The following ELP4 variants were observed in gnomAD, a reference collection of about 807,000 sequenced individuals.
The protein encoded by ELP4 is elongator acetyltransferase complex subunit 4.
A neutral mutation model predicts 48.9 loss-of-function variants in ELP4; 51 were observed. The observed-to-expected ratio is 1.04, with a 90% CI of 0.83 to 1.32. ELP4 has a LOEUF of 1.32. Ranked by LOEUF, ELP4 falls within the 40% of genes most tolerant of loss-of-function variation. The pLI is 0.00. For synonymous variants in ELP4, 210 were observed against 189.2 expected, an observed-to-expected ratio of 1.11 and a Z score of -0.90; for missense variants, 519 against 514.6, an observed-to-expected ratio of 1.01 and a Z score of -0.08.
intron 9 of ELP4, among the ~76,000 whole-genome samples, chr11:31,753,100 A>C (rs1947762459): frequency 6.6e-6 from 1 of 152,190 alleles, no homozygotes; most frequent in Non-Finnish European, 1.5e-5. Flanking sequence ...CCATTGAATT[A>C]ATACACTACA....
At chr11:31,549,871 G>A (rs1232565675) in intron 3 of ELP4, among the ~76,000 whole-genome samples, 1 of 152,124 alleles carries the variant, frequency 6.6e-6, no homozygotes, top group Admixed American at 6.6e-5. Context: ...ATCATTCTCA[G>A]TAATCTATCG....
chr11:31,572,974 C>T (rs1369341655), intron 3 of ELP4, among the ~76,000 whole-genome samples: 1 of 152,104 alleles, frequency 6.6e-6, no homozygotes, highest in Admixed American at 6.6e-5. Context: ...CACCACTGTA[C>T]TCCAGCCTGG....
chr11:31,620,356 G>A (rs1025437358), intron 5 of ELP4, among the ~76,000 whole-genome samples: 1 of 152,066 alleles, frequency 6.6e-6, no homozygotes, highest in Non-Finnish European at 1.5e-5. Context: ...ATCAAAGCAG[G>A]TGAGTGAAAG....
chr11:31,592,102 G>C (rs1957589282), intron 3 of ELP4, among the ~76,000 whole-genome samples: 1 of 152,166 alleles, frequency 6.6e-6, no homozygotes, highest in Admixed American at 6.6e-5. Context: ...GGGGAATGTG[G>C]AGTGATTTCT....
At chr11:31,730,929 A>G (rs965577207) in intron 9 of ELP4, among the ~76,000 whole-genome samples, 2 of 152,128 alleles carry the variant, frequency 1.3e-5, no homozygotes, top group African/African-American at 4.8e-5. Context: ...GACCTTCAGT[A>G]TATCAGAGGA....
chr11:31,665,712 T>C (rs1031092383), intron 9 of ELP4, among the ~76,000 whole-genome samples: 9 of 140,550 alleles, frequency 6.4e-5, no homozygotes, highest in Non-Finnish European at 1.2e-4. Flanking sequence ...TGGAGTACAG[T>C]GGTGCAATCA....
intron 3 of ELP4, among the ~76,000 whole-genome samples, chr11:31,548,262 T>G (rs532484389): frequency 1.3e-5 from 2 of 152,270 alleles, no homozygotes; most frequent in East Asian, 1.9e-4. Flanking sequence ...AAAATCTCCT[T>G]AGCGGATAAG....
At chr11:31,542,426 G>T (rs990034563) in intron 3 of ELP4, among the ~76,000 whole-genome samples, 11 of 152,220 alleles carry the variant, frequency 7.2e-5, no homozygotes, top group African/African-American at 2.7e-4. Flanking sequence ...TACACGAGGA[G>T]ATGGCCTGAG....
chr11:31,755,486 C>G (rs1408654419), intron 9 of ELP4, among the ~76,000 whole-genome samples: 1 of 152,160 alleles, frequency 6.6e-6, no homozygotes, highest in African/African-American at 2.4e-5. Flanking sequence ...TCATGAACCC[C>G]TTGGTAAAAT....
chr11:31,743,490 G>C (rs1358174455), intron 9 of ELP4, among the ~76,000 whole-genome samples: 2 of 152,074 alleles, frequency 1.3e-5, no homozygotes, highest in African/African-American at 4.8e-5. Context: ...TGACCACATA[G>C]TTGGAAGTAA....
chr11:31,609,547 T>C (rs1462517899), intron 5 of ELP4, among the ~76,000 whole-genome samples: 2 of 152,054 alleles, frequency 1.3e-5, no homozygotes, highest in Non-Finnish European at 2.9e-5. Flanking sequence ...GAGTTTTTCA[T>C]AATTTGCAGC....
intron 3 of ELP4, among the ~76,000 whole-genome samples, chr11:31,549,465 A>G (rs541990562): frequency 2.0e-5 from 3 of 152,164 alleles, no homozygotes; most frequent in South Asian, 2.1e-4. Flanking sequence ...TAGAATGGCA[A>G]TCATTAAAAA....
At chr11:31,727,688 G>A (rs1183894953) in intron 9 of ELP4, 1 of 152,090 alleles carries the variant, frequency 6.6e-6, no homozygotes, top group Non-Finnish European at 1.5e-5. Context: ...TAGGAAATAT[G>A]CCCATTATCT....
At chr11:31,742,811 G>A (rs1947487000) in intron 9 of ELP4, among the ~76,000 whole-genome samples, 1 of 152,172 alleles carries the variant, frequency 6.6e-6, no homozygotes, top group African/African-American at 2.4e-5. Flanking sequence ...AAATTGTAAA[G>A]ACCATCAAGG....
At chr11:31,538,328 ATAAT>A (rs1332146231) in intron 2 of ELP4, among the ~76,000 whole-genome samples, 1 of 148,452 alleles carries the variant, frequency 6.7e-6, no homozygotes, top group African/African-American at 2.4e-5. Context: ...CAATATAATT[ATAAT>A]TACTCTATTA....
At position 31,787,876 on chromosome 11, in the gene ELP4, A is replaced by G. The variant is rs757458670; in HGVS notation, c.*4352A>G. 1.8e-5 allele frequency: 4 copies of G among 223,268 alleles called. No homozygotes were observed. Among genetic ancestry groups the G allele is most frequent in the Non-Finnish European group, 2.7e-5 (3 of 111,760 alleles). 13.8% of individuals were successfully genotyped at this position (223,268 alleles called of 1,614,324 possible). ...TGTTTAAATCCTTCCATTAATTTCT[A>G]CATTTCTGATCATTTGCTTTTGGGG... is the stretch of plus-strand genomic sequence containing the variant. On this transcript the variant is annotated 3_prime_UTR_variant, in exon 10 of 10. Coordinates refer to ENST00000640961, the MANE Select transcript of ELP4 (RefSeq NM_019040.5).
intron 9 of ELP4, among the ~76,000 whole-genome samples, chr11:31,678,369 A>T (rs1337461532): frequency 1.3e-5 from 2 of 152,140 alleles, no homozygotes; most frequent in Non-Finnish European, 2.9e-5. Context: ...GGATCACTTG[A>T]GCCTAAAAGG....
chr11:31,647,779 TGTA>T lies in ELP4; in HGVS notation c.972_974del (p.Val325del). On this transcript the variant is annotated inframe_deletion, in exon 8 of 10. Transcript: ENST00000640961. The stretch of plus-strand genomic sequence containing the variant: ...TTGCCCGTGTCACAACCTTGTCAGA[TGTA>T]GTAGTTGGTCTGGAATCATTTATTG... The T allele has an allele frequency of 6.2e-7, 1 of 1,609,812 alleles. No homozygotes were observed. The highest frequency in any genetic ancestry group is 1.3e-5 in the African/African-American group (1 of 74,762).
intron 1 of ELP4, among the ~76,000 whole-genome samples, chr11:31,518,494 A>T (rs77007410): frequency 1.5e-4 from 18 of 122,840 alleles, no homozygotes; most frequent in Admixed American, 1.7e-4. Context: ...CATAGTTCAG[A>T]TTTTTTTTTT....
Sources: allele counts gnomAD v4.1 joint callset (sites outside exome capture counted in the v4.1 genomes callset), GRCh38; gene constraint gnomAD v4.1.1; transcripts MANE v1.5; gene names NCBI Gene and HGNC (gene_info 2026-07-23, HGNC 2026-07-21).